Variants in IL3RA observed in about 807,000 individuals in gnomAD.
IL3RA encodes the protein interleukin-3 receptor subunit alpha.
A neutral mutation model predicts 52.3 loss-of-function variants in IL3RA; 73 were observed. The ratio of observed to expected loss-of-function variants is 1.40; its 90% CI spans 1.16 to 1.70. IL3RA has a LOEUF of 1.70. Among genes scored for constraint, IL3RA ranks in the 40% most tolerant of loss-of-function variants. The pLI, the probability that IL3RA is intolerant of heterozygous loss-of-function variation, is 0.00. For missense variants in IL3RA, 664 were observed against 504.4 expected, an observed-to-expected ratio of 1.32 and a Z score of -3.03; for synonymous variants, 260 against 194.0, an observed-to-expected ratio of 1.34 and a Z score of -2.83.
At chrX:1,357,398 T>G (rs750294895) in intron 7 of IL3RA, among the ~76,000 whole-genome samples, 55 of 152,062 alleles carry the variant, frequency 3.6e-4, no homozygotes, top group African/African-American at 1.3e-3. Flanking sequence ...TCCTGCTCTG[T>G]TGCCCAGGCT....
intron 9 of IL3RA, among the ~76,000 whole-genome samples, chrX:1,378,054 C>T (rs1190887381): frequency 4.0e-5 from 6 of 150,624 alleles, no homozygotes; most frequent in Non-Finnish European, 8.9e-5. Context: ...GGCGTGGTGG[C>T]GGGCGCCTGT....
chrX:1,347,194 C>G (rs2085780317), intron 3 of IL3RA, among the ~76,000 whole-genome samples: 1 of 151,400 alleles, frequency 6.6e-6, no homozygotes, highest in Non-Finnish European at 1.5e-5. Context: ...CGCCTGTCAT[C>G]CCAGCACTTT....
intron 6 of IL3RA, 25 bp from the exon 7 acceptor site, chrX:1,356,196 C>A: frequency 7.3e-7 from 1 of 1,362,784 alleles, no homozygotes; most frequent in South Asian, 1.2e-5. Flanking sequence ...CTCCTAAATC[C>A]TAAAAGTGTT....
intron 10 of IL3RA, among the ~76,000 whole-genome samples, chrX:1,379,767 C>CT (rs1213505414): frequency 6.6e-6 from 1 of 151,936 alleles, no homozygotes; most frequent in Non-Finnish European, 1.5e-5. Flanking sequence ...GTCCTGTCTC[C>CT]TTTTTTTTAG....
At chrX:1,365,099 A>T in intron 8 of IL3RA, 39 bp from the exon 9 acceptor site, 1 of 1,493,566 alleles carries the variant, frequency 6.7e-7, no homozygotes, top group Non-Finnish European at 9.3e-7. Flanking sequence ...ATGAGCCACC[A>T]TACCTGGCCC....
At chrX:1,368,324 C>A (rs1333115325) in intron 9 of IL3RA, among the ~76,000 whole-genome samples, 1 of 152,050 alleles carries the variant, frequency 6.6e-6, no homozygotes, top group East Asian at 1.9e-4. Context: ...GTGACTCATG[C>A]CTGCCATCCC....
chrX:1,362,878 C>T (rs2087569692), intron 8 of IL3RA, among the ~76,000 whole-genome samples: 1 of 152,000 alleles, frequency 6.6e-6, no homozygotes, highest in African/African-American at 2.4e-5. Flanking sequence ...CAGGTTCAAG[C>T]GATTCCCCTG....
At chrX:1,368,022 G>A (rs760035986) in intron 9 of IL3RA, among the ~76,000 whole-genome samples, 15 of 152,206 alleles carry the variant, frequency 9.9e-5, no homozygotes, top group African/African-American at 3.6e-4. Flanking sequence ...TTGTAATAAA[G>A]ACCGAGGCGG....
At chrX:1,366,945 G>C (rs865774115) in intron 9 of IL3RA, among the ~76,000 whole-genome samples, 5 of 16,086 alleles carry the variant, frequency 3.1e-4, no homozygotes, top group Admixed American at 5.9e-4. Flanking sequence ...CCGGGTGCGC[G>C]GGGTGCGCGG....
At position 1,353,853 on chromosome X, in the gene IL3RA, G is replaced by C. The variant is rs752747173; in HGVS notation, c.616+1347G>C. ...CATGGGTCATGGGAACCCCCATCAT[G>C]GGTTTCATCATGGGTCATAGGATCC... On this transcript the variant is annotated intron_variant, in intron 6 of 11. Transcript: ENST00000331035. Among the ~76,000 whole-genome samples the C allele has an allele frequency of 8.1e-4, 107 of 131,722 alleles. 10 individuals carry two copies. The highest frequency in any genetic ancestry group is 5.3e-3 in the Middle Eastern group (1 of 190). 86.4% of individuals were successfully genotyped at this position (131,722 alleles called of 152,430 possible).
rs2088958971 is a variant in IL3RA, at chrX:1,378,582, GCCCCGGGGAGAGCTTACAGTCCCTGGT to G, written c.875-72_875-46del. 6.2e-6 allele frequency: 8 copies of G among 1,280,542 alleles called. No individual in the cohort carries two copies. In the South Asian group the frequency reaches 1.0e-4, roughly 16 times the overall value. The allele number at this position is 1,280,542 out of a possible 1,614,324, so 79.3% of individuals were successfully genotyped here. A position where few individuals can be genotyped will look rare whatever the true frequency, so the allele number is the denominator to read the frequency against. ...GGCAGCCACCTCTCTGCTTCCCAGG[GCCCCGGGGAGAGCTTACAGTCCCTGGT>G]CCCCCCAGGACGGCCCCCGGTCTGT... is the stretch of plus-strand genomic sequence containing the variant. On this transcript the variant is annotated intron_variant, in intron 9 of 11. Coordinates refer to ENST00000331035, the MANE Select transcript of IL3RA (RefSeq NM_002183.4).
At chrX:1,359,634 CTCTA>C (rs35496959) in intron 8 of IL3RA, among the ~76,000 whole-genome samples, 9,270 of 148,640 alleles carry the variant, frequency 0.062, 329 homozygotes, top group African/African-American at 0.1. Context: ...CCTTCCCTCT[CTCTA>C]TCTTTCTCTC....
At chrX:1,355,565 G>T (rs1292626331) in intron 6 of IL3RA, among the ~76,000 whole-genome samples, 1 of 150,676 alleles carries the variant, frequency 6.6e-6, no homozygotes, top group East Asian at 2.0e-4. Context: ...TGGTAGTCGG[G>T]TCACACCTGA....
intron 8 of IL3RA, among the ~76,000 whole-genome samples, chrX:1,359,665 G>A (rs1428631326): frequency 2.4e-5 from 3 of 126,564 alleles, no homozygotes; most frequent in East Asian, 2.3e-4. Flanking sequence ...TCTATCTCCC[G>A]CTCCGTGTCT....
intron 3 of IL3RA, among the ~76,000 whole-genome samples, chrX:1,347,184 C>T (rs775003575): frequency 3.9e-4 from 59 of 150,746 alleles, no homozygotes; most frequent in Admixed American, 3.2e-3. Context: ...TGGTGGCTCA[C>T]GCCTGTCATC....
chrX:1,361,632 G>T (rs191881950), intron 8 of IL3RA, among the ~76,000 whole-genome samples: 1 of 151,458 alleles, frequency 6.6e-6, no homozygotes, highest in Non-Finnish European at 1.5e-5. Flanking sequence ...AGGCGCCTGT[G>T]GTCCCAGCTA....
At position 1,348,487 on chromosome X, in the gene IL3RA, C is replaced by T. The variant is rs759603453; in HGVS notation, c.240C>T (p.Asn80=). 1.2e-6 allele frequency: 2 copies of T among 1,613,804 alleles called. No individual in the cohort carries two copies. Among genetic ancestry groups the T allele is most frequent in the Middle Eastern group, 1.6e-4 (1 of 6,078 alleles). Residue 80 remains asparagine, a synonymous_variant, in exon 4 of 12, where the codon AAC becomes AAT. Coordinates refer to ENST00000331035, the MANE Select transcript of IL3RA (RefSeq NM_002183.4). ...FGAISLCEVT[N]YTVRVANPPF... ...CAATTTCCTTATGTGAAGTGACCAACTACACCGTCCGAGTGGCCAACCCAC... is the reference window on the plus strand; with the variant it reads ...CAATTTCCTTATGTGAAGTGACCAATTACACCGTCCGAGTGGCCAACCCAC...
At chrX:1,359,345 C>G (rs184133738) in intron 8 of IL3RA, among the ~76,000 whole-genome samples, 86 of 152,228 alleles carry the variant, frequency 5.6e-4, no homozygotes, top group Admixed American at 2.1e-3. Context: ...GGACCCTCCC[C>G]CAGCCCCTGC....
At chrX:1,340,555 T>C (rs189746368) in intron 1 of IL3RA, among the ~76,000 whole-genome samples, 5 of 151,482 alleles carry the variant, frequency 3.3e-5, no homozygotes, top group Non-Finnish European at 5.9e-5. Context: ...TCTAGGCACA[T>C]GCATGCACAC....
Sources: gnomAD v4.1 joint callset for allele counts (sites outside exome capture counted in the v4.1 genomes callset) on GRCh38, gnomAD v4.1.1 for gene constraint, MANE v1.5 for transcripts, NCBI Gene and HGNC (gene_info 2026-07-23, HGNC 2026-07-21) for gene names.